NELL1: variants seen among roughly 807,000 people sequenced by gnomAD.
The protein encoded by NELL1 is protein kinase C-binding protein NELL1.
A neutral mutation model predicts 107.4 loss-of-function variants in NELL1; 76 were observed. The ratio of observed to expected loss-of-function variants is 0.71; its 90% CI spans 0.59 to 0.86. NELL1 has a LOEUF of 0.86. NELL1 is among the 40% of genes least tolerant of loss of function. The pLI is 0.00. For synonymous variants in NELL1, 353 were observed against 341.2 expected (o/e 1.03, Z -0.38); for missense variants, 1,024 against 1,005.5 (o/e 1.02, Z -0.25).
intron 2 of NELL1, among the ~76,000 whole-genome samples, chr11:20,694,727 C>T (rs1854569052): frequency 6.6e-6 from 1 of 151,868 alleles, no homozygotes; most frequent in Non-Finnish European, 1.5e-5. Flanking sequence ...TGTGATGTTT[C>T]TGTGGGGTAA....
At chr11:21,098,715 G>C (rs1161028867) in intron 12 of NELL1, among the ~76,000 whole-genome samples, 1 of 151,986 alleles carries the variant, frequency 6.6e-6, no homozygotes, top group Admixed American at 6.6e-5. Flanking sequence ...TTGAACTCTG[G>C]CCCATTTTTT....
chr11:20,672,448 A>G (rs1853937578), intron 1 of NELL1, among the ~76,000 whole-genome samples: 1 of 152,230 alleles, frequency 6.6e-6, no homozygotes, highest in South Asian at 2.1e-4. Flanking sequence ...TGCAGTGCAG[A>G]CACAGTTGCA....
rs1336301399 is a variant in NELL1 at position 21,439,666 on chromosome 11, A to T, written c.1645+68718A>T. On this transcript the variant is annotated intron_variant, in intron 15 of 19. Transcript: ENST00000357134. ...ACAGTGCCTTCCTGTATTAGTAAGT[A>T]ATACAGCCAAGTCAATGAGCATCCC... 2.0e-5 allele frequency among the ~76,000 whole-genome samples: 3 copies of T among 152,184 alleles called. No individual in the cohort carries two copies. In the East Asian group the frequency reaches 5.8e-4, roughly 29 times the overall value.
intron 12 of NELL1, among the ~76,000 whole-genome samples, chr11:21,078,433 A>T (rs1433432962): frequency 6.6e-6 from 1 of 152,168 alleles, no homozygotes; most frequent in Non-Finnish European, 1.5e-5. Flanking sequence ...GAATTAAAAT[A>T]ATTGTTTTAC....
chr11:21,146,483 A>G (rs1365901208), intron 13 of NELL1, among the ~76,000 whole-genome samples: 2 of 152,108 alleles, frequency 1.3e-5, no homozygotes, highest in Non-Finnish European at 2.9e-5. Flanking sequence ...AGTCGCCTTT[A>G]TCACCTCATA....
chr11:21,017,794 C>A (rs1405767536), intron 12 of NELL1, among the ~76,000 whole-genome samples: 1 of 152,056 alleles, frequency 6.6e-6, no homozygotes, highest in Non-Finnish European at 1.5e-5. Context: ...TTGATCATGT[C>A]TGTCTTCTTA....
chr11:20,782,147 T>C (rs959983899), intron 2 of NELL1, among the ~76,000 whole-genome samples: 1 of 152,218 alleles, frequency 6.6e-6, no homozygotes, highest in Non-Finnish European at 1.5e-5. Context: ...GTTTTAAATG[T>C]CATCTGGAAT....
chr11:21,529,977 A>T (rs950319017), intron 15 of NELL1, among the ~76,000 whole-genome samples: 13 of 152,220 alleles, frequency 8.5e-5, no homozygotes, highest in African/African-American at 3.1e-4. Context: ...TTATAACAAC[A>T]GTTTATTTTT....
At chr11:20,816,555 T>C (rs924249923) in intron 3 of NELL1, among the ~76,000 whole-genome samples, 3 of 152,198 alleles carry the variant, frequency 2.0e-5, no homozygotes, top group African/African-American at 4.8e-5. Flanking sequence ...GTGGAGTCTT[T>C]AGGGATTTCT....
At chr11:20,883,649 A>T (rs1364046028) in intron 4 of NELL1, among the ~76,000 whole-genome samples, 1 of 152,190 alleles carries the variant, frequency 6.6e-6, no homozygotes. Context: ...CCAACATTGA[A>T]CATCATTTGT....
intron 5 of NELL1, among the ~76,000 whole-genome samples, chr11:20,914,963 C>G (rs1850213705): frequency 1.3e-5 from 2 of 152,008 alleles, no homozygotes; most frequent in Admixed American, 6.6e-5. Context: ...CCCACATGAT[C>G]TTCACAGATC....
intron 12 of NELL1, among the ~76,000 whole-genome samples, chr11:21,078,853 T>C (rs1033752140): frequency 6.6e-6 from 1 of 152,058 alleles, no homozygotes; most frequent in African/African-American, 2.4e-5. Context: ...CGTAGTCCTC[T>C]TAATAAAACA....
intron 4 of NELL1, among the ~76,000 whole-genome samples, chr11:20,862,605 C>CTTTTTTTTTT (rs386373288): frequency 5.5e-4 from 52 of 94,668 alleles, no homozygotes; most frequent in Admixed American, 1.0e-3. Flanking sequence ...TGAGCTGCTG[C>CTTTTTTTTTT]TTTTTTTTTT....
At chr11:20,825,801 T>C (rs1857868504) in intron 3 of NELL1, among the ~76,000 whole-genome samples, 1 of 151,154 alleles carries the variant, frequency 6.6e-6, no homozygotes, top group Non-Finnish European at 1.5e-5. Context: ...GAAGGCATAT[T>C]TGTGTTTTGA....
chr11:21,290,687 G>A (rs1238561331), intron 14 of NELL1, among the ~76,000 whole-genome samples: 1 of 152,182 alleles, frequency 6.6e-6, no homozygotes, highest in Admixed American at 6.5e-5. Context: ...CTCTGCTGGT[G>A]ATACCCAGGG....
At chr11:20,958,587 C>T (rs1329952540) in intron 11 of NELL1, among the ~76,000 whole-genome samples, 1 of 152,068 alleles carries the variant, frequency 6.6e-6, no homozygotes, top group African/African-American at 2.4e-5. Flanking sequence ...GATAAAATAA[C>T]CGTATACCCA....
At chr11:21,368,467 CTG>C (rs2133749700) in intron 14 of NELL1, among the ~76,000 whole-genome samples, 1 of 151,754 alleles carries the variant, frequency 6.6e-6, no homozygotes, top group African/African-American at 2.4e-5. Flanking sequence ...TTAACCCACA[CTG>C]TAACAAACAA....
intron 3 of NELL1, among the ~76,000 whole-genome samples, chr11:20,801,385 G>T (rs926660579): frequency 3.0e-4 from 45 of 152,256 alleles, no homozygotes; most frequent in African/African-American, 1.1e-3. Flanking sequence ...TGAAGATTTT[G>T]CCCTTTCAGA....
intron 14 of NELL1, among the ~76,000 whole-genome samples, chr11:21,245,808 A>T (rs1346205468): frequency 2.6e-5 from 4 of 152,204 alleles, no homozygotes; most frequent in Non-Finnish European, 5.9e-5. Context: ...AGTAATTACA[A>T]AATACCTTTC....
Sources: allele counts gnomAD v4.1 joint callset (sites outside exome capture counted in the v4.1 genomes callset), GRCh38; gene constraint gnomAD v4.1.1; transcripts MANE v1.5; gene names NCBI Gene and HGNC (gene_info 2026-07-23, HGNC 2026-07-21).